The following GRM8 variants were observed in gnomAD, a reference collection of about 807,000 sequenced individuals.
GRM8 encodes metabotropic glutamate receptor 8.
In GRM8, 47 loss-of-function variants were observed where a neutral mutation model predicts 87.2. That is an observed-to-expected ratio of 0.54 (90% confidence interval 0.43 to 0.69). GRM8 has a LOEUF of 0.69. Among genes scored for constraint, GRM8 ranks in the 30% least tolerant of loss-of-function variants. The pLI is 0.00. For synonymous variants in GRM8, 396 were observed against 404.5 expected (o/e 0.98, Z 0.25); for missense variants, 1,019 against 1,139.2 (o/e 0.89, Z 1.52).
At chr7:127,245,543 C>T (rs1798542460) in intron 1 of GRM8, among the ~76,000 whole-genome samples, 1 of 152,222 alleles carries the variant, frequency 6.6e-6, no homozygotes, top group Non-Finnish European at 1.5e-5. Flanking sequence ...CCTAGTTCCA[C>T]TTGCTGTACA....
intron 5 of GRM8, among the ~76,000 whole-genome samples, chr7:126,903,657 A>ATATATATGTATATGTG (rs1802351271): frequency 9.3e-6 from 1 of 107,066 alleles, no homozygotes; most frequent in South Asian, 2.9e-4. Flanking sequence ...GTATATGTGT[A>ATATATATGTATATGTG]TATATATATG....
chr7:126,623,066 C>A (rs1800334270), intron 7 of GRM8, among the ~76,000 whole-genome samples: 1 of 152,158 alleles, frequency 6.6e-6, no homozygotes, highest in African/African-American at 2.4e-5. Context: ...ACCATTCAAT[C>A]AATTCAAAAC....
rs148728016 is a variant in GRM8, at chr7:126,601,299, T to C, written c.1494+8063A>G. Among the ~76,000 whole-genome samples, 729 of 152,246 alleles carry C rather than the reference T, an allele frequency of 4.8e-3. 6 individuals are homozygous for C. The highest frequency in any genetic ancestry group is 0.017 in the African/African-American group (694 of 41,552). On this transcript the variant is annotated intron_variant, in intron 8 of 10. Coordinates refer to ENST00000339582, the MANE Select transcript of GRM8 (RefSeq NM_000845.3). The stretch of plus-strand genomic sequence containing the variant: ...TGGCTGCATAGTATTCCGTGGTGTA[T>C]ATGCGCCATATTTTCTTAATCCAGT...
chr7:126,652,520 G>T (rs1237343157), intron 7 of GRM8, among the ~76,000 whole-genome samples: 1 of 152,166 alleles, frequency 6.6e-6, no homozygotes, highest in Non-Finnish European at 1.5e-5. Flanking sequence ...CAAAGAGGGT[G>T]ACAAAGAAAT....
chr7:127,085,043 T>C (rs1011676470), intron 3 of GRM8, among the ~76,000 whole-genome samples: 1 of 152,222 alleles, frequency 6.6e-6, no homozygotes, highest in African/African-American at 2.4e-5. Flanking sequence ...AATTCCCACC[T>C]ATGAGTGAGA....
chr7:126,915,750 G>C (rs768298266), intron 3 of GRM8, among the ~76,000 whole-genome samples: 7 of 152,164 alleles, frequency 4.6e-5, no homozygotes, highest in Non-Finnish European at 1.0e-4. Flanking sequence ...GAATGAAAGA[G>C]AACAAGAGTA....
chr7:126,608,144 A>G lies in GRM8; in HGVS notation c.1494+1218T>C, dbSNP rs558381989. 6.8e-4 allele frequency among the ~76,000 whole-genome samples: 97 copies of G among 143,418 alleles called. No homozygotes were observed. The East Asian group carries it at 0.019, about 29-fold the overall frequency. 94.1% of individuals were successfully genotyped at this position (143,418 alleles called of 152,430 possible). A position where few individuals can be genotyped will look rare whatever the true frequency, so the allele number is the denominator to read the frequency against. ...CTGCCCTCCTTGCCCTCCCCACCCC[A>G]GCATCCACAGCCCTGTGCACTGATT... On this transcript the variant is annotated intron_variant, in intron 8 of 10. Coordinates refer to ENST00000339582, the MANE Select transcript of GRM8 (RefSeq NM_000845.3).
At position 127,127,676 on chromosome 7, in the gene GRM8, C is replaced by T. The variant is rs185326406; in HGVS notation, c.511-20964G>A. ...TGGCACAAGGAAAGTTTTTAGGTGA[C>T]GGAAAAATGCTATATCTTGATTGTG... On this transcript the variant is annotated intron_variant, in intron 2 of 10. Transcript: ENST00000339582. Among the ~76,000 whole-genome samples, 61 of 151,888 alleles carry T rather than the reference C, an allele frequency of 4.0e-4. 1 individual carries two copies. The highest frequency in any genetic ancestry group is 2.9e-3 in the South Asian group (14 of 4,812).
chr7:126,679,201 C>T (rs1807289031), intron 7 of GRM8, among the ~76,000 whole-genome samples: 1 of 152,210 alleles, frequency 6.6e-6, no homozygotes, highest in Non-Finnish European at 1.5e-5. Context: ...GGAGAATGCT[C>T]TGCTAGCCCA....
intron 2 of GRM8, among the ~76,000 whole-genome samples, chr7:127,161,120 A>T (rs984517619): frequency 2.0e-5 from 3 of 152,190 alleles, no homozygotes; most frequent in Non-Finnish European, 2.9e-5. Context: ...CAACAAAAAC[A>T]ATTTTAATTG....
chr7:127,131,538 A>G (rs931069569), intron 2 of GRM8, among the ~76,000 whole-genome samples: 7 of 152,230 alleles, frequency 4.6e-5, no homozygotes, highest in Admixed American at 3.9e-4. Context: ...AGGGACTGTC[A>G]GATAACGAGG....
chr7:126,561,824 T>C (rs1032798795), intron 8 of GRM8, among the ~76,000 whole-genome samples: 1 of 134,548 alleles, frequency 7.4e-6, no homozygotes, highest in Non-Finnish European at 1.6e-5. Context: ...CCCCTTCCTG[T>C]GTCCATGTGT....
rs541189808 is a variant in GRM8 at position 126,592,225 on chromosome 7, AT to A, written c.1494+17136del. Among the ~76,000 whole-genome samples the A allele has an allele frequency of 8.0e-4, 121 of 151,834 alleles. 1 individual carries two copies. The highest frequency in any genetic ancestry group is 1.7e-3 in the South Asian group (8 of 4,826). On this transcript the variant is annotated intron_variant, in intron 8 of 10. Coordinates refer to ENST00000339582, the MANE Select transcript of GRM8 (RefSeq NM_000845.3). ...AAAACTTAAAGAATGACTCATATCA[AT>A]TATTTAAAACCTTAAAAAATTGAAG... is the stretch of plus-strand genomic sequence containing the variant.
At chr7:126,498,605 G>A (rs947726580) in intron 9 of GRM8, among the ~76,000 whole-genome samples, 1 of 151,960 alleles carries the variant, frequency 6.6e-6, no homozygotes, top group Non-Finnish European at 1.5e-5. Context: ...GGGGGGACAT[G>A]TACTGTTGGC....
At chr7:126,444,192 T>C (rs1801757374) in intron 10 of GRM8, among the ~76,000 whole-genome samples, 2 of 152,056 alleles carry the variant, frequency 1.3e-5, no homozygotes. Flanking sequence ...CATCCTATAA[T>C]AGCTTTCAAC....
chr7:127,207,289 T>C (rs6965293), intron 2 of GRM8, among the ~76,000 whole-genome samples: 3,408 of 152,268 alleles, frequency 0.022, 118 homozygotes, highest in African/African-American at 0.077. Context: ...TCAGGACCCT[T>C]ATTCCCAAGT....
chr7:126,585,566 TCAA>T (rs951419486), intron 8 of GRM8, among the ~76,000 whole-genome samples: 22 of 152,048 alleles, frequency 1.4e-4, no homozygotes, highest in African/African-American at 5.1e-4. Context: ...ATAAACAGAA[TCAA>T]CAACAAAAAC....
At chr7:127,013,220 G>A (rs1038542099) in intron 3 of GRM8, among the ~76,000 whole-genome samples, 1 of 152,166 alleles carries the variant, frequency 6.6e-6, no homozygotes, top group African/African-American at 2.4e-5. Flanking sequence ...GAGCAGAGAG[G>A]CGGCCAGTTT....
intron 6 of GRM8, among the ~76,000 whole-genome samples, chr7:126,797,824 T>C (rs1430150592): frequency 6.6e-6 from 1 of 152,118 alleles, no homozygotes; most frequent in Admixed American, 6.6e-5. Context: ...AATTGACTGC[T>C]CTCTCTCTTC....
Sources: allele counts gnomAD v4.1 joint callset (sites outside exome capture counted in the v4.1 genomes callset), GRCh38; gene constraint gnomAD v4.1.1; transcripts MANE v1.5; gene names NCBI Gene and HGNC (gene_info 2026-07-23, HGNC 2026-07-21).